Variants in RBKS observed in about 807,000 individuals in gnomAD.
RBKS encodes ribokinase.
A neutral mutation model predicts 33.9 loss-of-function variants in RBKS; 33 were observed. The observed-to-expected ratio is 0.97, with a 90% CI of 0.74 to 1.30. RBKS has a LOEUF of 1.30. RBKS is among the 50% of genes most tolerant of loss of function. The pLI is 0.00. For missense variants in RBKS, 361 were observed against 392.6 expected (o/e 0.92, Z 0.68); for synonymous variants, 125 against 143.0 (o/e 0.87, Z 0.90).
rs143709910 is a variant in RBKS, at chr2:27,827,568, G to A, written c.794C>T (p.Thr265Met). The A allele has an allele frequency of 8.4e-6, 13 of 1,554,544 alleles. No individual in the cohort carries two copies. In the South Asian group the frequency reaches 8.4e-5, roughly 10 times the overall value. The change falls in exon 7 of 8, where the codon ACG becomes ATG. Residue 265 changes from threonine to methionine, a missense_variant and splice_region_variant. Thr to Met is a moderately conservative substitution (Grantham distance 81). Coordinates refer to ENST00000302188, the MANE Select transcript of RBKS (RefSeq NM_022128.3). ...TGATTCTTAAATTTTAAAACTTACC[G>A]TGGTATCCACAGCCTTGACTTTCTC... Reference protein sequence around the residue: ...PTEKVKAVDTTGAGDSFVGAL... With the variant: ...PTEKVKAVDTMGAGDSFVGAL...
chr2:27,846,615 T>C (rs1663624494), intron 4 of RBKS, among the ~76,000 whole-genome samples: 4 of 152,244 alleles, frequency 2.6e-5, no homozygotes. Context: ...GTTGCTGCCA[T>C]TTGCTCAGAA....
rs1677920745 is a variant in RBKS, at chr2:27,807,699, G to A, written c.795+19868C>T. On this transcript the variant is annotated intron_variant, in intron 7 of 7. Transcript: ENST00000302188. The stretch of plus-strand genomic sequence containing the variant: ...CAGAGGTCCTTTCTATGCTGCAAAG[G>A]TGTGGAAGATGAGGGGGAAACTCCA... 2.0e-5 allele frequency among the ~76,000 whole-genome samples: 3 copies of A among 152,180 alleles called. No individual in the cohort carries two copies. The South Asian group carries it at 6.2e-4, about 32-fold the overall frequency.
At chr2:27,869,447 A>T (rs1346403877) in intron 1 of RBKS, among the ~76,000 whole-genome samples, 3 of 152,162 alleles carry the variant, frequency 2.0e-5, no homozygotes, top group African/African-American at 7.2e-5. Flanking sequence ...GGGAAGTATG[A>T]ATATAGTTAA....
chr2:27,844,632 T>C (rs755138454), intron 4 of RBKS, among the ~76,000 whole-genome samples: 1 of 152,030 alleles, frequency 6.6e-6, no homozygotes, highest in Non-Finnish European at 1.5e-5. Context: ...CCTGACCTCA[T>C]GTGATCTACC....
chr2:27,883,513 T>C (rs148134943), intron 1 of RBKS, among the ~76,000 whole-genome samples: 74 of 152,174 alleles, frequency 4.9e-4, no homozygotes, highest in African/African-American at 1.8e-3. Flanking sequence ...AACTGCAGTA[T>C]TCTTAGTGTT....
At chr2:27,840,634 G>A (rs565319287) in intron 5 of RBKS, among the ~76,000 whole-genome samples, 34 of 152,192 alleles carry the variant, frequency 2.2e-4, no homozygotes, top group Admixed American at 9.8e-4. Flanking sequence ...CTTAGGCCAC[G>A]TGCTGGACAG....
At chr2:27,826,639 C>T (rs1410489615) in intron 7 of RBKS, among the ~76,000 whole-genome samples, 1 of 152,164 alleles carries the variant, frequency 6.6e-6, no homozygotes, top group Non-Finnish European at 1.5e-5. Context: ...ATCTCTTGAC[C>T]TCATGATCCG....
intron 1 of RBKS, among the ~76,000 whole-genome samples, chr2:27,871,274 C>G (rs1192110651): frequency 1.3e-5 from 2 of 152,148 alleles, no homozygotes; most frequent in Non-Finnish European, 2.9e-5. Context: ...AACAAACAAA[C>G]AAACAAACAA....
At position 27,781,522 on chromosome 2, in the gene RBKS, G is replaced by C. The variant is rs1173216628; in HGVS notation, c.*93C>G. ...AAGAACTAATATTTGCAAAGAAAGG[G>C]GACGAGGACATTTTCTAATAAGCAT... On this transcript the variant is annotated 3_prime_UTR_variant, in exon 8 of 8. Coordinates refer to ENST00000302188, the MANE Select transcript of RBKS (RefSeq NM_022128.3). The C allele has an allele frequency of 8.3e-6, 8 of 963,490 alleles. No homozygotes were observed. Among genetic ancestry groups the C allele is most frequent in the African/African-American group, 1.7e-5 (1 of 59,744 alleles). The allele number at this position is 963,490 out of a possible 1,614,324, so 59.7% of individuals were successfully genotyped here. A position where few individuals can be genotyped will look rare whatever the true frequency, so the allele number is the denominator to read the frequency against.
At chr2:27,848,128 T>A (rs913207704) in intron 2 of RBKS, 31 bp from the exon 3 acceptor site, 1 of 1,257,270 alleles carries the variant, frequency 8.0e-7, no homozygotes. Flanking sequence ...ATATTAGATC[T>A]TTTAGAGTTA....
At chr2:27,851,609 G>A (rs546188222) in intron 2 of RBKS, among the ~76,000 whole-genome samples, 11 of 151,806 alleles carry the variant, frequency 7.2e-5, no homozygotes, top group Admixed American at 2.6e-4. Flanking sequence ...TGCGATCTCC[G>A]CTCACTGCAA....
chr2:27,816,609 T>G (rs1678099282), intron 7 of RBKS, among the ~76,000 whole-genome samples: 1 of 142,496 alleles, frequency 7.0e-6, no homozygotes, highest in African/African-American at 3.0e-5. Flanking sequence ...ATATGTGTTT[T>G]TTTGTTTTTT....
intron 7 of RBKS, among the ~76,000 whole-genome samples, chr2:27,822,957 A>G (rs1055754036): frequency 2.0e-5 from 3 of 152,246 alleles, no homozygotes; most frequent in African/African-American, 7.2e-5. Context: ...ATATGTCAAG[A>G]ATTTCAGTGC....
chr2:27,840,162 G>A (rs1425958542), intron 5 of RBKS, among the ~76,000 whole-genome samples: 1 of 151,448 alleles, frequency 6.6e-6, no homozygotes, highest in Non-Finnish European at 1.5e-5. Flanking sequence ...TGGGACTACA[G>A]GCACCCACCA....
intron 5 of RBKS, among the ~76,000 whole-genome samples, chr2:27,842,009 C>G (rs1267053586): frequency 6.6e-6 from 1 of 152,130 alleles, no homozygotes; most frequent in African/African-American, 2.4e-5. Context: ...CTACACCATG[C>G]TTGGCATCCT....
intron 1 of RBKS, among the ~76,000 whole-genome samples, chr2:27,885,597 C>CT (rs1346998613): frequency 9.2e-5 from 14 of 152,150 alleles, no homozygotes; most frequent in Non-Finnish European, 1.8e-4. Flanking sequence ...TTCTTTCCTC[C>CT]TTTAGGTCTT....
chr2:27,826,973 C>T (rs1469499911), intron 7 of RBKS, among the ~76,000 whole-genome samples: 1 of 150,270 alleles, frequency 6.7e-6, no homozygotes, highest in Non-Finnish European at 1.5e-5. Flanking sequence ...TAATACTTGT[C>T]TCACAGAATT....
At chr2:27,801,643 A>C (rs1055890575) in intron 7 of RBKS, among the ~76,000 whole-genome samples, 2 of 152,096 alleles carry the variant, frequency 1.3e-5, no homozygotes, top group Non-Finnish European at 2.9e-5. Flanking sequence ...CTATAAAGAA[A>C]TACCTGAGGC....
intron 4 of RBKS, among the ~76,000 whole-genome samples, chr2:27,843,487 TAA>T (rs1663557296): frequency 6.6e-6 from 1 of 152,208 alleles, no homozygotes; most frequent in African/African-American, 2.4e-5. Flanking sequence ...TTCTTATATA[TAA>T]AGAATATTAG....
Sources: gnomAD v4.1 joint callset for allele counts (sites outside exome capture counted in the v4.1 genomes callset) on GRCh38, gnomAD v4.1.1 for gene constraint, MANE v1.5 for transcripts, NCBI Gene and HGNC (gene_info 2026-07-23, HGNC 2026-07-21) for gene names.